The following KL variants were observed in gnomAD, a reference collection of about 807,000 sequenced individuals.
The protein encoded by KL is alpha-klotho.
In KL, 62 loss-of-function variants were observed where a neutral mutation model predicts 84.2. The ratio of observed to expected loss-of-function variants is 0.74; its 90% CI spans 0.60 to 0.91. The LOEUF is 0.91. Ranked by LOEUF, KL falls within the 40% of genes least tolerant of loss-of-function variation. KL has a pLI of 0.00. For synonymous variants in KL, 528 were observed against 528.0 expected (o/e 1.00, Z 0.00); for missense variants, 1,261 against 1,305.7 (o/e 0.97, Z 0.53).
rs1160516647 is a variant in KL, at chr13:33,016,695, G to A, written c.255G>A (p.Lys85=). The change falls in exon 1 of 5, where the codon AAG becomes AAA. Residue 85 remains lysine (K), a synonymous_variant. Coordinates refer to ENST00000380099, the MANE Select transcript of KL (RefSeq NM_004795.4). ...AGGGCGGCTGGCAGCAGCACGGCAA[G>A]GGTGCGTCCATCTGGGATACGTTCA... ...QTEGGWQQHG[K]GASIWDTFTH... 6.2e-7 allele frequency: 1 copy of A among 1,607,740 alleles called. No individual in the cohort carries two copies. The highest frequency in any genetic ancestry group is 8.5e-7 in the Non-Finnish European group (1 of 1,177,700).
intron 1 of KL, among the ~76,000 whole-genome samples, chr13:33,037,953 C>T (rs948642928): frequency 6.6e-6 from 1 of 152,200 alleles, no homozygotes; most frequent in African/African-American, 2.4e-5. Context: ...TTTTATTCTG[C>T]ACTTCCAAAC....
intron 3 of KL, among the ~76,000 whole-genome samples, chr13:33,058,779 C>T (rs1427346608): frequency 1.3e-5 from 2 of 152,136 alleles, no homozygotes; most frequent in African/African-American, 4.8e-5. Flanking sequence ...ATTTAGTCAA[C>T]TCAGAGCTCT....
At chr13:33,061,813 G>T in intron 4 of KL, 33 bp downstream of exon 4, 1 of 1,605,896 alleles carries the variant, frequency 6.2e-7, no homozygotes. Context: ...ATCTCCTGAA[G>T]GTTATGTCAC....
At chr13:33,031,393 T>A (rs1020115177) in intron 1 of KL, among the ~76,000 whole-genome samples, 1 of 152,046 alleles carries the variant, frequency 6.6e-6, no homozygotes, top group African/African-American at 2.4e-5. Context: ...CTCAACAGAA[T>A]AGATACGATC....
chr13:33,049,730 G>A (rs1241530991), intron 1 of KL, among the ~76,000 whole-genome samples: 3 of 152,208 alleles, frequency 2.0e-5, no homozygotes, highest in Admixed American at 2.0e-4. Flanking sequence ...TGGAGAACAG[G>A]TGGGCAGGGT....
intron 1 of KL, among the ~76,000 whole-genome samples, chr13:33,018,027 T>G (rs1290521609): frequency 6.6e-6 from 1 of 152,254 alleles, no homozygotes; most frequent in East Asian, 1.9e-4. Flanking sequence ...GCAAAATATT[T>G]TATTAATTTT....
At chr13:33,025,374 T>C (rs1174926266) in intron 1 of KL, among the ~76,000 whole-genome samples, 1 of 152,206 alleles carries the variant, frequency 6.6e-6, no homozygotes, top group Non-Finnish European at 1.5e-5. Context: ...CCATGGGCAA[T>C]GTGTTAATGA....
At chr13:33,043,895 T>C (rs1377631129) in intron 1 of KL, among the ~76,000 whole-genome samples, 1 of 152,222 alleles carries the variant, frequency 6.6e-6, no homozygotes, top group Non-Finnish European at 1.5e-5. Context: ...TATATTTATA[T>C]AGTGCTTTCT....
Position 33,064,192 on chromosome 13 carries a change from A to G in KL, c.*6A>G. The G allele has an allele frequency of 6.4e-7, 1 of 1,571,216 alleles. No homozygotes were observed. Among genetic ancestry groups the G allele is most frequent in the Non-Finnish European group, 8.8e-7 (1 of 1,142,508 alleles). On this transcript the variant is annotated 3_prime_UTR_variant, in exon 5 of 5. Transcript: ENST00000380099. ...GCAGAAGAAGTTACAAATAGTTCTG[A>G]ACATTTTTCTATTCATTCATTTTGA...
In KL at chr13:33,066,084, TGA is replaced by T. The variant is rs1872401611; in HGVS notation, c.*1899_*1900del. The T allele has an allele frequency of 5.8e-6, 1 of 172,530 alleles. No individual in the cohort carries two copies. Among genetic ancestry groups the T allele is most frequent in the South Asian group, 2.0e-4 (1 of 5,004 alleles). The allele number at this position is 172,530 out of a possible 1,614,324, so 10.7% of individuals were successfully genotyped here. A position where few individuals can be genotyped will look rare whatever the true frequency, so the allele number is the denominator to read the frequency against. On this transcript the variant is annotated 3_prime_UTR_variant, in exon 5 of 5. Transcript: ENST00000380099. ...TGTAAAGAGAAGTAATTTTGCTCCTTGATAAAGTATTATATTAATAATAAATC... is the reference window on the plus strand; with the variant it reads ...TGTAAAGAGAAGTAATTTTGCTCCTTTAAAGTATTATATTAATAATAAATC...
chr13:33,040,214 G>T lies in KL; in HGVS notation c.820-13553G>T, dbSNP rs112605531. Reference sequence around the variant, plus strand: ...GTTTGAAATTCTGTCTTAAGGAACTGCAGCTTATAAACCATAGTGCTGATA... The same window carrying T: ...GTTTGAAATTCTGTCTTAAGGAACTTCAGCTTATAAACCATAGTGCTGATA... On this transcript the variant is annotated intron_variant, in intron 1 of 4. Transcript: ENST00000380099. Among the ~76,000 whole-genome samples the T allele has an allele frequency of 1.6e-3, 239 of 152,310 alleles. 3 individuals carry two copies. Among genetic ancestry groups the T allele is most frequent in the African/African-American group, 5.6e-3 (234 of 41,564 alleles).
intron 1 of KL, among the ~76,000 whole-genome samples, chr13:33,040,500 T>C (rs1427847713): frequency 6.6e-6 from 1 of 152,226 alleles, no homozygotes; most frequent in Non-Finnish European, 1.5e-5. Context: ...TGGAGGGCCC[T>C]TTTCTTAGAT....
intron 1 of KL, among the ~76,000 whole-genome samples, chr13:33,020,353 G>A (rs1566497534): frequency 6.6e-6 from 1 of 152,028 alleles, no homozygotes; most frequent in Admixed American, 6.5e-5. Flanking sequence ...TCCTTTGCTT[G>A]TTCCTCCTCA....
chr13:33,018,097 T>C (rs2138185707), intron 1 of KL, among the ~76,000 whole-genome samples: 1 of 152,364 alleles, frequency 6.6e-6, no homozygotes, highest in Admixed American at 6.5e-5. Flanking sequence ...TTCCTCCTTT[T>C]TTCTCCTTAG....
rs1403580279 is a variant in KL, at chr13:33,061,459, A to C, written c.2380A>C (p.Lys794Gln). ...TCTTCCTTATTTCACTGAAGATGAA[A>C]AAAAGCTAATCCAGGGTACCTTTGA... ...FLLPYFTEDE[K>Q]KLIQGTFDFL... The change falls in exon 4 of 5, where the codon AAA (lysine) becomes CAA (glutamine). Residue 794 changes from lysine to glutamine, a missense_variant. By Grantham distance (53) the Lys-to-Gln change is moderately conservative. Transcript: ENST00000380099. The C allele has an allele frequency of 4.3e-6, 7 of 1,614,144 alleles. No homozygotes were observed. In the South Asian group the frequency reaches 7.7e-5, roughly 18 times the overall value.
chr13:33,016,465 C>G lies in KL; in HGVS notation c.25C>G (p.Arg9Gly). 9.8e-7 allele frequency: 1 copy of G among 1,021,098 alleles called. No individual in the cohort carries two copies. Among genetic ancestry groups the G allele is most frequent in the Non-Finnish European group, 1.2e-6 (1 of 855,278 alleles). 63.3% of individuals were successfully genotyped at this position (1,021,098 alleles called of 1,614,324 possible). A position where few individuals can be genotyped will look rare whatever the true frequency, so the allele number is the denominator to read the frequency against. The change falls in exon 1 of 5, where the codon CGC becomes GGC. Residue 9 changes from arginine (R) to glycine (G), a missense_variant. Coordinates refer to ENST00000380099, the MANE Select transcript of KL (RefSeq NM_004795.4). Reference sequence around the variant, plus strand: ...CATGCCCGCCAGCGCCCCGCCGCGCCGCCCGCGGCCGCCGCCGCCGTCGCT... The same window carrying G: ...CATGCCCGCCAGCGCCCCGCCGCGCGGCCCGCGGCCGCCGCCGCCGTCGCT... MPASAPPR[R>G]PRPPPPSLSL... is the part of the protein sequence containing the mutation.
intron 1 of KL, among the ~76,000 whole-genome samples, chr13:33,025,704 T>C (rs1870747689): frequency 6.6e-6 from 1 of 152,168 alleles, no homozygotes; most frequent in Non-Finnish European, 1.5e-5. Flanking sequence ...GCGATTACAT[T>C]TCTTGTTAGA....
At chr13:33,018,763 A>G (rs1035077225) in intron 1 of KL, among the ~76,000 whole-genome samples, 6 of 152,200 alleles carry the variant, frequency 3.9e-5, no homozygotes, top group Admixed American at 6.5e-5. Context: ...CAGCTGGAGG[A>G]TCTAATAGAT....
At chr13:33,044,314 C>T (rs1871442920) in intron 1 of KL, among the ~76,000 whole-genome samples, 1 of 151,980 alleles carries the variant, frequency 6.6e-6, no homozygotes, top group Non-Finnish European at 1.5e-5. Flanking sequence ...GTTTTATGTT[C>T]TTATTGTATA....
Sources: gnomAD v4.1 joint callset for allele counts (sites outside exome capture counted in the v4.1 genomes callset) on GRCh38, gnomAD v4.1.1 for gene constraint, MANE v1.5 for transcripts, NCBI Gene and HGNC (gene_info 2026-07-23, HGNC 2026-07-21) for gene names.